Variants in PCDH9 observed in about 807,000 individuals in gnomAD.
The protein encoded by PCDH9 is protocadherin-9.
PCDH9 carries 24 observed loss-of-function variants against 70.6 expected under a neutral mutation model. The observed-to-expected ratio is 0.34, with a 90% CI of 0.25 to 0.48. The LOEUF (loss-of-function observed/expected upper bound fraction) is 0.48. PCDH9 is among the 20% of genes least tolerant of loss of function. The probability of loss-of-function intolerance (pLI) is 0.99; values close to 1 mark genes in which losing one functional copy is unlikely to be tolerated. For synonymous variants in PCDH9, 562 were observed against 558.5 expected (o/e 1.01, Z -0.09); for missense variants, 1,281 against 1,503.6 (o/e 0.85, Z 2.45).
At chr13:66,833,072 G>T (rs535499732) in intron 3 of PCDH9, among the ~76,000 whole-genome samples, 1 of 151,724 alleles carries the variant, frequency 6.6e-6, no homozygotes, top group Admixed American at 6.6e-5. Flanking sequence ...ATTTTAAATC[G>T]TATACTCTAC....
At chr13:66,932,679 T>TATATATATATATAC (rs1555287818) in intron 2 of PCDH9, among the ~76,000 whole-genome samples, 1 of 143,306 alleles carries the variant, frequency 7.0e-6, no homozygotes, top group Non-Finnish European at 1.5e-5. Context: ...TATATATATA[T>TATATATATATATAC]ATACACACAC....
intron 4 of PCDH9, among the ~76,000 whole-genome samples, chr13:66,344,293 AT>A (rs34358681): frequency 1.3e-5 from 2 of 151,922 alleles, no homozygotes; most frequent in South Asian, 4.2e-4. Flanking sequence ...CGCCCAGCTA[AT>A]TTTTTGTATT....
In PCDH9 at chr13:67,226,605, T is replaced by C. The variant is rs747253560; in HGVS notation, c.1836A>G (p.Leu612=). ...GENKAVTLSI[L]NDNDNFVLDP... ...CCAACACAAAATTATCATTGTCATT[T>C]AGAATGGAAAGAGTCACAGCTTTAT... The change falls in exon 2 of 5, where the codon CTA becomes CTG. Residue 612 remains leucine (L), a synonymous_variant. Coordinates refer to ENST00000377865, the MANE Select transcript of PCDH9 (RefSeq NM_203487.3). The surrounding 1 kb of genome is among the most constrained non-coding windows in gnomAD (Gnocchi z 5.0). 6.2e-7 allele frequency: 1 copy of C among 1,613,990 alleles called. No homozygotes were observed. The highest frequency in any genetic ancestry group is 1.1e-5 in the South Asian group (1 of 91,090).
intron 4 of PCDH9, among the ~76,000 whole-genome samples, chr13:66,509,573 G>T (rs773654706): frequency 2.5e-4 from 38 of 151,990 alleles, no homozygotes; most frequent in Non-Finnish European, 3.1e-4. Flanking sequence ...CTTTTGTTTT[G>T]GTACTTCTTT....
At chr13:67,042,490 T>A (rs1367693939) in intron 2 of PCDH9, among the ~76,000 whole-genome samples, 1 of 152,042 alleles carries the variant, frequency 6.6e-6, no homozygotes, top group African/African-American at 2.4e-5. Flanking sequence ...ATCTCAAGTA[T>A]CTAATTAAAA....
At chr13:66,367,667 G>A (rs1400021873) in intron 4 of PCDH9, among the ~76,000 whole-genome samples, 1 of 152,162 alleles carries the variant, frequency 6.6e-6, no homozygotes, top group Non-Finnish European at 1.5e-5. Flanking sequence ...TGCATGGTGT[G>A]ATAGAGCCTC....
At chr13:66,463,144 A>C (rs2138458908) in intron 4 of PCDH9, among the ~76,000 whole-genome samples, 1 of 151,928 alleles carries the variant, frequency 6.6e-6, no homozygotes, top group Non-Finnish European at 1.5e-5. Context: ...CTTTGTAAGG[A>C]AGAGAACTAC....
intron 2 of PCDH9, among the ~76,000 whole-genome samples, chr13:67,192,888 G>T (rs1443776977): frequency 2.0e-5 from 3 of 152,122 alleles, no homozygotes; most frequent in African/African-American, 7.2e-5. Flanking sequence ...GTTCACGTAA[G>T]ATACTATTAT....
chr13:66,767,084 C>T (rs748755627), intron 3 of PCDH9, among the ~76,000 whole-genome samples: 11 of 151,844 alleles, frequency 7.2e-5, no homozygotes, highest in Non-Finnish European at 1.5e-4. Flanking sequence ...TCTGATACAG[C>T]GTCTAAAAAT....
At chr13:67,217,081 A>G (rs561612195) in intron 2 of PCDH9, 9 of 152,186 alleles carry the variant, frequency 5.9e-5, no homozygotes, top group African/African-American at 1.9e-4. Context: ...TGCAGCTGCT[A>G]TCACACAGAG....
chr13:66,530,601 G>C (rs1960410362), intron 4 of PCDH9, among the ~76,000 whole-genome samples: 1 of 151,570 alleles, frequency 6.6e-6, no homozygotes, highest in Non-Finnish European at 1.5e-5. Context: ...TTTACAATTA[G>C]GACAATCCTC....
At chr13:67,142,356 A>G (rs1434196247) in intron 2 of PCDH9, among the ~76,000 whole-genome samples, 1 of 152,198 alleles carries the variant, frequency 6.6e-6, no homozygotes, top group East Asian at 1.9e-4. Flanking sequence ...CCTATGACAA[A>G]GGGCTCAAAC....
chr13:66,643,269 A>G (rs2077731581), intron 3 of PCDH9, among the ~76,000 whole-genome samples: 1 of 152,078 alleles, frequency 6.6e-6, no homozygotes, highest in Non-Finnish European at 1.5e-5. Flanking sequence ...CTAGAATCAG[A>G]GTCCTTATAA....
intron 3 of PCDH9, among the ~76,000 whole-genome samples, chr13:66,682,798 A>G (rs1418039297): frequency 6.6e-6 from 1 of 152,158 alleles, no homozygotes; most frequent in African/African-American, 2.4e-5. Flanking sequence ...TCAAAGCTGT[A>G]TCAGAGTTGA....
chr13:66,498,129 A>C (rs977465886), intron 4 of PCDH9, among the ~76,000 whole-genome samples: 1 of 149,766 alleles, frequency 6.7e-6, no homozygotes, highest in African/African-American at 2.5e-5. Context: ...CCAAACTCTT[A>C]CTAATTTTAT....
At chr13:66,515,319 A>G (rs1400372763) in intron 4 of PCDH9, among the ~76,000 whole-genome samples, 1 of 152,038 alleles carries the variant, frequency 6.6e-6, no homozygotes, top group East Asian at 1.9e-4. Context: ...ATGCAATCAG[A>G]CAGCATTACT....
intron 2 of PCDH9, among the ~76,000 whole-genome samples, chr13:67,041,731 T>A (rs2085117688): frequency 6.7e-6 from 1 of 149,940 alleles, no homozygotes; most frequent in Non-Finnish European, 1.5e-5. Context: ...CTCGGGAGGC[T>A]GAGGCAGGAG....
chr13:67,044,419 C>A (rs985528511), intron 2 of PCDH9, among the ~76,000 whole-genome samples: 1 of 152,152 alleles, frequency 6.6e-6, no homozygotes, highest in Non-Finnish European at 1.5e-5. Flanking sequence ...TTCCACATGG[C>A]ATCCTTAGCG....
At chr13:66,738,310 A>G (rs1403973401) in intron 3 of PCDH9, among the ~76,000 whole-genome samples, 3 of 151,774 alleles carry the variant, frequency 2.0e-5, no homozygotes, top group Non-Finnish European at 4.4e-5. Context: ...ACTAACAAAC[A>G]GAAAGGACAT....
Sources: gnomAD v4.1 joint callset for allele counts (sites outside exome capture counted in the v4.1 genomes callset) on GRCh38, gnomAD v4.1.1 for gene constraint, Gnocchi (gnomAD v3.1) non-coding constraint, MANE v1.5 for transcripts, NCBI Gene and HGNC (gene_info 2026-07-23, HGNC 2026-07-21) for gene names.